The following KANSL1L variants were observed in gnomAD, a reference collection of about 807,000 sequenced individuals.
KANSL1L encodes KAT8 regulatory NSL complex subunit 1-like protein.
Under a neutral mutation model 108.6 loss-of-function variants are expected in KANSL1L, and 25 were observed. The observed-to-expected ratio is 0.23, with a 90% CI of 0.17 to 0.32. KANSL1L has a LOEUF of 0.32. Among genes scored for constraint, KANSL1L ranks in the 10% least tolerant of loss-of-function variants. The probability of loss-of-function intolerance (pLI) is 1.00; values close to 1 mark genes in which losing one functional copy is unlikely to be tolerated. For missense variants in KANSL1L, 1,137 were observed against 1,125.7 expected (o/e 1.01, Z -0.14); for synonymous variants, 405 against 395.1 (o/e 1.03, Z -0.30).
chr2:210,085,262 A>T (rs2125362905), intron 5 of KANSL1L, among the ~76,000 whole-genome samples: 1 of 152,354 alleles, frequency 6.6e-6, no homozygotes, highest in East Asian at 1.9e-4. Flanking sequence ...GAATAACAAA[A>T]GAATTAGCAA....
At chr2:210,078,806 G>C (rs2094559901) in intron 5 of KANSL1L, among the ~76,000 whole-genome samples, 1 of 152,122 alleles carries the variant, frequency 6.6e-6, no homozygotes. Flanking sequence ...TTCCCCAGGA[G>C]ATGATGATTC....
intron 2 of KANSL1L, among the ~76,000 whole-genome samples, chr2:210,131,525 T>C (rs1343884985): frequency 3.9e-5 from 6 of 152,146 alleles, no homozygotes; most frequent in African/African-American, 7.2e-5. Flanking sequence ...AAAAATGCCA[T>C]AGAACTCATA....
chr2:210,081,653 T>C (rs187776858), intron 5 of KANSL1L, among the ~76,000 whole-genome samples: 1 of 152,330 alleles, frequency 6.6e-6, no homozygotes, highest in Admixed American at 6.5e-5. Context: ...GCCTTACATA[T>C]AGCAGATACA....
intron 3 of KANSL1L, among the ~76,000 whole-genome samples, chr2:210,125,880 G>T (rs1394924670): frequency 6.6e-6 from 1 of 151,996 alleles, no homozygotes; most frequent in Non-Finnish European, 1.5e-5. Context: ...CACACTCAAG[G>T]GTTAAAGACT....
intron 1 of KANSL1L, chr2:210,155,044 A>G (rs1257600692): frequency 1.3e-5 from 2 of 152,226 alleles, no homozygotes; most frequent in South Asian, 2.1e-4. Context: ...CTAAACTTCT[A>G]TTCCTGAAAT....
chr2:210,162,222 G>GTATATATATATATATATATATATATA lies in KANSL1L; in HGVS notation c.-29-7612_-29-7611insTATATATATATATATATATATATATA, dbSNP rs71043976. Among the ~76,000 whole-genome samples the GTATATATATATATATATATATATATA allele has an allele frequency of 4.2e-3, 455 of 107,346 alleles. 15 individuals carry two copies. The highest frequency in any genetic ancestry group is 7.0e-3 in the South Asian group (20 of 2,846). 70.4% of individuals were successfully genotyped at this position (107,346 alleles called of 152,430 possible). A position where few individuals can be genotyped will look rare whatever the true frequency, so the allele number is the denominator to read the frequency against. ...ATTACCCCCAAATTTAGTGGTTCAG[G>GTATATATATATATATATATATATATA]TATATATATATATATATATATGTAT... On this transcript the variant is annotated intron_variant, in intron 1 of 14. Coordinates refer to ENST00000281772, the MANE Select transcript of KANSL1L (RefSeq NM_152519.4).
rs367609630 is a variant in KANSL1L at position 210,106,762 on chromosome 2, C to CAA, written c.1231-2463_1231-2462dup. ...CCAGCCTGGGTGACAGAGACTCTGTCAAAAAAAAAAAAAAAAATTAAAATT... is the reference window on the plus strand; with the variant it reads ...CCAGCCTGGGTGACAGAGACTCTGTCAAAAAAAAAAAAAAAAAAATTAAAATT... On this transcript the variant is annotated intron_variant, in intron 3 of 14. Transcript: ENST00000281772. 3.3e-3 allele frequency among the ~76,000 whole-genome samples: 407 copies of CAA among 123,420 alleles called. 3 individuals are homozygous for CAA. Among genetic ancestry groups the CAA allele is most frequent in the Middle Eastern group, 8.1e-3 (2 of 246 alleles). The allele number at this position is 123,420 out of a possible 152,430, so 81.0% of individuals were successfully genotyped here.
At chr2:210,118,866 C>G (rs1390969928) in intron 3 of KANSL1L, among the ~76,000 whole-genome samples, 3 of 151,280 alleles carry the variant, frequency 2.0e-5, no homozygotes, top group Non-Finnish European at 4.4e-5. Context: ...AAAAAAAAGT[C>G]CTCTATTAAA....
At chr2:210,039,367 A>AAAT (rs1371752984) in intron 8 of KANSL1L, among the ~76,000 whole-genome samples, 1 of 151,882 alleles carries the variant, frequency 6.6e-6, no homozygotes, top group East Asian at 1.9e-4. Context: ...GTTTGATTAA[A>AAAT]AATACTTTAT....
At chr2:210,158,701 T>C (rs199869599) in intron 1 of KANSL1L, among the ~76,000 whole-genome samples, 6 of 136,808 alleles carry the variant, frequency 4.4e-5, no homozygotes, top group Non-Finnish European at 1.6e-5. Context: ...TGTATCCTTA[T>C]AAAAAAAAAA....
intron 5 of KANSL1L, among the ~76,000 whole-genome samples, chr2:210,092,752 G>A (rs1163586653): frequency 6.6e-6 from 1 of 152,052 alleles, no homozygotes; most frequent in Non-Finnish European, 1.5e-5. Flanking sequence ...TATTCATGAG[G>A]ATTTCCCTAG....
At chr2:210,079,019 T>C (rs2094561942) in intron 5 of KANSL1L, among the ~76,000 whole-genome samples, 1 of 152,138 alleles carries the variant, frequency 6.6e-6, no homozygotes, top group Non-Finnish European at 1.5e-5. Flanking sequence ...AGAACAATTG[T>C]AGCTCACTGC....
intron 2 of KANSL1L, chr2:210,153,293 G>A: frequency 2.3e-6 from 1 of 442,618 alleles, no homozygotes; most frequent in Non-Finnish European, 3.9e-6. Flanking sequence ...GGCGGAGGTT[G>A]CAGTGAGCCA....
At chr2:210,146,329 T>C (rs1218549625) in intron 2 of KANSL1L, among the ~76,000 whole-genome samples, 1 of 152,184 alleles carries the variant, frequency 6.6e-6, no homozygotes, top group Non-Finnish European at 1.5e-5. Flanking sequence ...CTAGTTCTTG[T>C]TTTTTGTTCG....
chr2:210,037,080 A>G (rs906674432), intron 8 of KANSL1L, among the ~76,000 whole-genome samples: 1 of 152,156 alleles, frequency 6.6e-6, no homozygotes, highest in African/African-American at 2.4e-5. Flanking sequence ...TAAATCAAAT[A>G]GTAGAACAAC....
At chr2:210,027,178 G>GA (rs1257115240) in intron 12 of KANSL1L, 118 bp downstream of exon 12, 2 of 634,620 alleles carry the variant, frequency 3.2e-6, no homozygotes, top group East Asian at 5.4e-5. Context: ...TAAGTGAAAA[G>GA]AAAAAAATCA....
At chr2:210,050,633 T>C (rs914429547) in intron 6 of KANSL1L, among the ~76,000 whole-genome samples, 4 of 140,388 alleles carry the variant, frequency 2.8e-5, no homozygotes, top group Non-Finnish European at 6.0e-5. Context: ...GGCAGGAGGA[T>C]AGCTTGAGCC....
At chr2:210,075,199 T>G (rs2125324984) in intron 6 of KANSL1L, among the ~76,000 whole-genome samples, 1 of 152,278 alleles carries the variant, frequency 6.6e-6, no homozygotes, top group Middle Eastern at 3.4e-3. Flanking sequence ...GAGCAAACAT[T>G]TATGGACAAA....
At position 210,044,860 on chromosome 2, in the gene KANSL1L, C is replaced by T. The variant is rs1226159988; in HGVS notation, c.1756-756G>A. ...TCTCGGCTCACTGCAACTTCTGCCT[C>T]CCGGGTTCAAGCGATTCTCCTGCCT... is the stretch of plus-strand genomic sequence containing the variant. On this transcript the variant is annotated intron_variant, in intron 6 of 14. Coordinates refer to ENST00000281772, the MANE Select transcript of KANSL1L (RefSeq NM_152519.4). This position sits in a 1 kb window ranked among gnomAD's most constrained non-coding sequence, Gnocchi z 4.2. Among the ~76,000 whole-genome samples, 1 of 152,040 alleles carries T rather than the reference C, an allele frequency of 6.6e-6. No individual in the cohort carries two copies. The highest frequency in any genetic ancestry group is 6.6e-5 in the Admixed American group (1 of 15,262).
Sources: allele counts gnomAD v4.1 joint callset (sites outside exome capture counted in the v4.1 genomes callset), GRCh38; gene constraint gnomAD v4.1.1; non-coding constraint Gnocchi (gnomAD v3.1); transcripts MANE v1.5; gene names NCBI Gene and HGNC (gene_info 2026-07-23, HGNC 2026-07-21).